The following LRRC49 variants were observed in gnomAD, a reference collection of about 807,000 sequenced individuals.
LRRC49 encodes the protein leucine-rich repeat-containing protein 49.
LRRC49 carries 50 observed loss-of-function variants against 83.3 expected under a neutral mutation model. The ratio of observed to expected loss-of-function variants is 0.60; its 90% confidence interval spans 0.48 to 0.76. The LOEUF (loss-of-function observed/expected upper bound fraction) is 0.76, where lower values mean the gene tolerates loss of function less well. Among genes scored for constraint, LRRC49 ranks in the 30% least tolerant of loss-of-function variants. The probability of loss-of-function intolerance (pLI) is 0.00; values close to 1 mark genes in which losing one functional copy is unlikely to be tolerated. For synonymous variants in LRRC49, 286 were observed against 283.3 expected, an observed-to-expected ratio of 1.01 and a Z score of -0.10; for missense variants, 704 against 809.1, an observed-to-expected ratio of 0.87 and a Z score of 1.58.
In LRRC49 at chr15:70,895,832, TTAA is replaced by T. The variant is rs760940498; in HGVS notation, c.106-12_106-10del. The T allele has an allele frequency of 4.5e-6, 7 of 1,546,044 alleles. No homozygotes were observed. Among genetic ancestry groups the T allele is most frequent in the East Asian group, 4.5e-5 (2 of 44,474 alleles). ...AATTTGTCTCCAAATATTTTTTTCTTTAATAATGTTTTTCAGGTTGAATTCAAG... is the reference window on the plus strand; with the variant it reads ...AATTTGTCTCCAAATATTTTTTTCTTTAATGTTTTTCAGGTTGAATTCAAG... On this transcript the variant is annotated splice_polypyrimidine_tract_variant and intron_variant, in intron 2 of 15. Coordinates refer to ENST00000260382, the MANE Select transcript of LRRC49 (RefSeq NM_017691.5).
intron 11 of LRRC49, among the ~76,000 whole-genome samples, chr15:70,996,831 G>T (rs758505531): frequency 6.6e-6 from 1 of 152,038 alleles, no homozygotes; most frequent in Non-Finnish European, 1.5e-5. Flanking sequence ...TTTCCCTTGT[G>T]ATTTCTTCTT....
At chr15:70,927,529 G>A (rs1294509306) in intron 7 of LRRC49, among the ~76,000 whole-genome samples, 1 of 152,086 alleles carries the variant, frequency 6.6e-6, no homozygotes, top group Non-Finnish European at 1.5e-5. Context: ...TATCTTTTGT[G>A]TTCTGTCTGA....
At chr15:70,890,078 A>G (rs1051179030), upstream of LRRC49, among the ~76,000 whole-genome samples, 1 of 152,214 alleles carries the variant, frequency 6.6e-6, no homozygotes, top group African/African-American at 2.4e-5. Context: ...TTTATTATGT[A>G]TGCTGGATCT....
chr15:71,024,825 G>C (rs1363756405), intron 14 of LRRC49, among the ~76,000 whole-genome samples: 3 of 152,128 alleles, frequency 2.0e-5, no homozygotes, highest in African/African-American at 7.2e-5. Flanking sequence ...TACAGGAGCT[G>C]TTAACCAGAA....
At chr15:70,957,779 A>T (rs1397305821) in intron 8 of LRRC49, among the ~76,000 whole-genome samples, 1 of 152,216 alleles carries the variant, frequency 6.6e-6, no homozygotes, top group Non-Finnish European at 1.5e-5. Context: ...TGGTAGTTGG[A>T]GGAAAACTTA....
At chr15:71,026,915 T>G (rs980169015) in intron 14 of LRRC49, among the ~76,000 whole-genome samples, 1 of 152,224 alleles carries the variant, frequency 6.6e-6, no homozygotes, top group African/African-American at 2.4e-5. Flanking sequence ...TGATGATAGT[T>G]TCTTTTGCTG....
In LRRC49 at chr15:71,012,918, C is replaced by G; in HGVS notation, c.1703+5C>G. On this transcript the variant is annotated splice_donor_5th_base_variant and intron_variant, in intron 14 of 15. Coordinates refer to ENST00000260382, the MANE Select transcript of LRRC49 (RefSeq NM_017691.5). Reference sequence around the variant, plus strand: ...TTCCATTCTGGGTGATGCCAGGTAACCTTTAATTTTTGTAGTTTTTTATAG... The same window carrying G: ...TTCCATTCTGGGTGATGCCAGGTAAGCTTTAATTTTTGTAGTTTTTTATAG... 3 of 1,582,652 alleles carry G rather than the reference C, an allele frequency of 1.9e-6. No homozygotes were observed. The highest frequency in any genetic ancestry group is 2.6e-6 in the Non-Finnish European group (3 of 1,159,374).
chr15:70,968,892 G>A (rs139617138), intron 9 of LRRC49, among the ~76,000 whole-genome samples: 17 of 152,000 alleles, frequency 1.1e-4, no homozygotes, highest in African/African-American at 2.9e-4. Flanking sequence ...GTCCTTTGTC[G>A]GATGGATAGA....
Position 71,049,467 on chromosome 15 carries a change from C to T in LRRC49, c.1916C>T (p.Ala639Val), listed in dbSNP as rs781695746. 3.2e-5 allele frequency: 51 copies of T among 1,613,316 alleles called. No individual in the cohort carries two copies. Among genetic ancestry groups the T allele is most frequent in the Non-Finnish European group, 4.2e-5 (50 of 1,179,436 alleles). Residue 639 changes from alanine (A) to valine (V), a missense_variant, in exon 16 of 16, where the codon GCC (alanine) becomes GTC (valine). By Grantham distance (64) the Ala-to-Val change is moderately conservative. Coordinates refer to ENST00000260382, the MANE Select transcript of LRRC49 (RefSeq NM_017691.5). Reference sequence around the variant, plus strand: ...TATATAGAAGACCTTGTGAAGGAAGCCACAGAAATCAACATGAAAAATGAG... The same window carrying T: ...TATATAGAAGACCTTGTGAAGGAAGTCACAGAAATCAACATGAAAAATGAG... Reference protein sequence around the residue: ...KTYIEDLVKEATEINMKNEAL... With the variant: ...KTYIEDLVKEVTEINMKNEAL...
chr15:70,862,270 T>TG (rs1042158558), intron 1 of LRRC49, among the ~76,000 whole-genome samples: 7 of 152,052 alleles, frequency 4.6e-5, no homozygotes, highest in Non-Finnish European at 1.0e-4. Flanking sequence ...TAGAATCACC[T>TG]GGGGGGCTTT....
At chr15:70,879,669 C>T (rs2033223232) in intron 2 of LRRC49, among the ~76,000 whole-genome samples, 2 of 152,174 alleles carry the variant, frequency 1.3e-5, no homozygotes, top group South Asian at 4.1e-4. Flanking sequence ...CTCTGGCTTC[C>T]TCTTTTCCAT....
chr15:70,860,185 T>C, intron 1 of LRRC49: 2 of 659,430 alleles, frequency 3.0e-6, no homozygotes, highest in Non-Finnish European at 5.4e-6. Context: ...GCCCCTCCCA[T>C]CCTACCCCTC....
In LRRC49 at chr15:70,898,504, A is replaced by G. The variant is rs997446461; in HGVS notation, c.194-2418A>G. ...AATAAATAATAACAGGCCGGTTGCTATGGCTCATGCCTGTAACCCCAGCAC... is the reference window on the plus strand; with the variant it reads ...AATAAATAATAACAGGCCGGTTGCTGTGGCTCATGCCTGTAACCCCAGCAC... On this transcript the variant is annotated intron_variant, in intron 3 of 15. Transcript: ENST00000260382. 15 of 681,946 alleles carry G rather than the reference A, an allele frequency of 2.2e-5. No individual in the cohort carries two copies. In the East Asian group the frequency reaches 3.3e-4, roughly 15 times the overall value. The allele number at this position is 681,946 out of a possible 1,614,324, so 42.2% of individuals were successfully genotyped here.
At chr15:70,922,983 G>A (rs1035632400) in intron 7 of LRRC49, among the ~76,000 whole-genome samples, 2 of 151,906 alleles carry the variant, frequency 1.3e-5, no homozygotes, top group Non-Finnish European at 2.9e-5. Flanking sequence ...TCATATATTA[G>A]TTTTCAGTCT....
intron 15 of LRRC49, among the ~76,000 whole-genome samples, chr15:71,046,001 A>G (rs765863762): frequency 2.6e-5 from 4 of 152,154 alleles, no homozygotes; most frequent in African/African-American, 4.8e-5. Flanking sequence ...AGTTCCATCT[A>G]TGTTGCTGCA....
In LRRC49 at chr15:70,984,226, A is replaced by C. The variant is rs2037512352; in HGVS notation, c.1138A>C (p.Ser380Arg). 6.2e-7 allele frequency: 1 copy of C among 1,613,030 alleles called. No individual in the cohort carries two copies. Among genetic ancestry groups the C allele is most frequent in the Non-Finnish European group, 8.5e-7 (1 of 1,179,374 alleles). ...SPQDPCQIDG[S>R]TLSAFPEETG... ...TCAGGACCCCTGTCAGATTGATGGA[A>C]GCACCCTCTCTGCATTCCCAGAGGA... The change falls in exon 11 of 16, where the codon AGC becomes CGC. Residue 380 changes from serine (S) to arginine (R), a missense_variant. By Grantham distance (110) the Ser-to-Arg change is moderately radical. Coordinates refer to ENST00000260382, the MANE Select transcript of LRRC49 (RefSeq NM_017691.5).
intron 8 of LRRC49, among the ~76,000 whole-genome samples, chr15:70,961,626 T>A (rs897589684): frequency 1.3e-5 from 2 of 152,206 alleles, no homozygotes; most frequent in African/African-American, 4.8e-5. Flanking sequence ...TGCATATTGC[T>A]AAGTGAAAGA....
At chr15:70,859,914 G>A (rs1343928884) in intron 1 of LRRC49, 13 of 768,404 alleles carry the variant, frequency 1.7e-5, no homozygotes, top group African/African-American at 6.8e-5. Flanking sequence ...GAGGAGAGCC[G>A]GCTGGAGTCT....
chr15:70,922,549 GGA>G (rs1280078951), intron 7 of LRRC49, among the ~76,000 whole-genome samples: 1 of 152,026 alleles, frequency 6.6e-6, no homozygotes, highest in Non-Finnish European at 1.5e-5. Flanking sequence ...GGGGTTGAGG[GGA>G]GGTGGAGATG....
Sources: allele counts gnomAD v4.1 joint callset (sites outside exome capture counted in the v4.1 genomes callset), GRCh38; gene constraint gnomAD v4.1.1; transcripts MANE v1.5; gene names NCBI Gene and HGNC (gene_info 2026-07-23, HGNC 2026-07-21).